The following CENPN variants were observed in gnomAD, a reference collection of about 807,000 sequenced individuals.
CENPN encodes the protein interphase centromere complex protein 32.
CENPN carries 36 observed loss-of-function variants against 48.6 expected under a neutral mutation model. The observed-to-expected ratio is 0.74, with a 90% confidence interval of 0.57 to 0.98. The LOEUF is 0.98. Ranked by LOEUF, CENPN falls within the 50% of genes least tolerant of loss-of-function variation. The pLI is 0.00. For synonymous variants in CENPN, 166 were observed against 135.2 expected (o/e 1.23, Z -1.58); for missense variants, 439 against 399.2 (o/e 1.10, Z -0.85).
rs761078576 is a variant in CENPN at position 81,025,689 on chromosome 16, C to CTTTTTTTTTTTTTTTTTTTTT, written c.698-836_698-835insTTTTTTTTTTTTTTTTTTTTT. Among the ~76,000 whole-genome samples, 2 of 135,218 alleles carry CTTTTTTTTTTTTTTTTTTTTT rather than the reference C, an allele frequency of 1.5e-5. 1 individual carries two copies. Among genetic ancestry groups the CTTTTTTTTTTTTTTTTTTTTT allele is most frequent in the African/African-American group, 5.9e-5 (2 of 33,984 alleles). 88.7% of individuals were successfully genotyped at this position (135,218 alleles called of 152,430 possible). On this transcript the variant is annotated intron_variant, in intron 8 of 10. Coordinates refer to ENST00000305850, the MANE Select transcript of CENPN (RefSeq NM_001100624.3). ...TGGGCAACATAGTGAGACCCTGTCT[C>CTTTTTTTTTTTTTTTTTTTTT]TCTTTTTTTTTTTTTTTTTTTTTTT...
At position 81,029,715 on chromosome 16, in the gene CENPN, C is replaced by T. The variant is rs954001244; in HGVS notation, c.*1064C>T. Among the ~76,000 whole-genome samples, 1 of 152,196 alleles carries T rather than the reference C, an allele frequency of 6.6e-6. No homozygotes were observed. Among genetic ancestry groups the T allele is most frequent in the Non-Finnish European group, 1.5e-5 (1 of 68,030 alleles). On this transcript the variant is annotated 3_prime_UTR_variant, in exon 11 of 11. Transcript: ENST00000305850. Reference sequence around the variant, plus strand: ...CTCAGCCTCTGAGTAGCTGGGACTACAGGCCTGCACCACCATGCCCAGCTA... The same window carrying T: ...CTCAGCCTCTGAGTAGCTGGGACTATAGGCCTGCACCACCATGCCCAGCTA...
At chr16:81,024,435 C>A in intron 7 of CENPN, 1 of 213,190 alleles carries the variant, frequency 4.7e-6, no homozygotes. Flanking sequence ...GCTGAAATAC[C>A]ACAGTGCAAA....
intron 1 of CENPN, among the ~76,000 whole-genome samples, chr16:81,009,952 A>C (rs1464667330): frequency 6.6e-6 from 1 of 152,212 alleles, no homozygotes; most frequent in Non-Finnish European, 1.5e-5. Flanking sequence ...TAATCCCAGC[A>C]CTTCAGGAGG....
In CENPN at chr16:81,026,635, T is replaced by C; in HGVS notation, c.807T>C (p.Tyr269=). The change falls in exon 9 of 11, where the codon TAT becomes TAC. Residue 269 remains tyrosine, a synonymous_variant. Coordinates refer to ENST00000305850, the MANE Select transcript of CENPN (RefSeq NM_001100624.3). ...AACCACAACTAGAATTTGCACAATA[T>C]AAGGTAAGATGTCGTAATAAATATT... ...YPQPQLEFAQ[Y]KLETKFKSGL... is the part of the protein sequence containing the mutation. 6.8e-7 allele frequency: 1 copy of C among 1,479,954 alleles called. No homozygotes were observed. The highest frequency in any genetic ancestry group is 9.4e-7 in the Non-Finnish European group (1 of 1,065,798). 91.7% of individuals were successfully genotyped at this position (1,479,954 alleles called of 1,614,324 possible).
downstream of CENPN, chr16:81,032,824 A>T (rs755340253): frequency 4.8e-4 from 510 of 1,054,360 alleles, no homozygotes; most frequent in Non-Finnish European, 6.6e-4. Flanking sequence ...CTCAAATTTG[A>T]CCAATCTTGG....
intron 2 of CENPN, among the ~76,000 whole-genome samples, chr16:81,013,346 A>T (rs1969816218): frequency 1.3e-5 from 2 of 152,244 alleles, no homozygotes; most frequent in Non-Finnish European, 2.9e-5. Context: ...TAATGACAGA[A>T]AGCAGATCAG....
At chr16:81,012,221 G>A (rs975027420) in intron 2 of CENPN, 111 bp downstream of exon 2, 1 of 900,258 alleles carries the variant, frequency 1.1e-6, no homozygotes, top group African/African-American at 1.7e-5. Context: ...AACTACTAGT[G>A]AAGTGATGAG....
intron 6 of CENPN, among the ~76,000 whole-genome samples, chr16:81,021,669 C>G (rs574776354): frequency 1.3e-5 from 2 of 152,246 alleles, no homozygotes; most frequent in South Asian, 2.1e-4. Flanking sequence ...GTCTCCTGCT[C>G]CATGATACAT....
At position 81,017,850 on chromosome 16, in the gene CENPN, A is replaced by G. The variant is rs757824727; in HGVS notation, c.354+16A>G. 1.4e-6 allele frequency: 2 copies of G among 1,405,494 alleles called. No individual in the cohort carries two copies. Among genetic ancestry groups the G allele is most frequent in the Admixed American group, 4.1e-5 (2 of 48,630 alleles). 87.1% of individuals were successfully genotyped at this position (1,405,494 alleles called of 1,614,324 possible). On this transcript the variant is annotated intron_variant, in intron 5 of 10. Coordinates refer to ENST00000305850, the MANE Select transcript of CENPN (RefSeq NM_001100624.3). ...ATTAAAAAATGTAAGAATAAAATTC[A>G]TCTTTTACATAAAATTCAATGTCAT...
In CENPN at chr16:81,011,960, G is replaced by T. The variant is rs752986108; in HGVS notation, c.21G>T (p.Glu7Asp). Residue 7 changes from glutamate to aspartate, a missense_variant, in exon 2 of 11, where the codon GAG becomes GAT. By Grantham distance (45) the Glu-to-Asp change is conservative. Transcript: ENST00000305850. ...AAGAGATGGATGAGACTGTTGCTGA[G>T]TTCATCAAGAGGACCATCTTGAAAA... is the stretch of plus-strand genomic sequence containing the variant. MDETVAEFIKRTILKIP... is the reference protein window; with the variant it reads MDETVADFIKRTILKIP... 1 of 1,614,156 alleles carries T rather than the reference G, an allele frequency of 6.2e-7. No homozygotes were observed. Among genetic ancestry groups the T allele is most frequent in the Non-Finnish European group, 8.5e-7 (1 of 1,180,004 alleles).
chr16:81,022,433 T>C, intron 6 of CENPN, 164 bp from the exon 7 acceptor site: 2 of 610,960 alleles, frequency 3.3e-6, no homozygotes, highest in East Asian at 2.8e-5. Flanking sequence ...TTAACCACTT[T>C]GTTTTTGAAG....
Position 81,030,357 on chromosome 16 carries a change from G to A in CENPN, c.*1706G>A, listed in dbSNP as rs1480977394. 12 of 985,238 alleles carry A rather than the reference G, an allele frequency of 1.2e-5. No homozygotes were observed. Among genetic ancestry groups the A allele is most frequent in the Non-Finnish European group, 1.4e-5 (12 of 829,898 alleles). The allele number at this position is 985,238 out of a possible 1,614,324, so 61.0% of individuals were successfully genotyped here. Reference sequence around the variant, plus strand: ...ACTTGTAATCCCAGCACTTCAGGAGGTTTCTCCTAGTGTACTCTCACACTT... The same window carrying A: ...ACTTGTAATCCCAGCACTTCAGGAGATTTCTCCTAGTGTACTCTCACACTT... On this transcript the variant is annotated 3_prime_UTR_variant, in exon 11 of 11. Transcript: ENST00000305850.
At chr16:81,011,209 C>T (rs1969726745) in intron 1 of CENPN, among the ~76,000 whole-genome samples, 1 of 152,174 alleles carries the variant, frequency 6.6e-6, no homozygotes, top group South Asian at 2.1e-4. Flanking sequence ...GCTCTTCCAC[C>T]ACATGACTCC....
At position 81,030,547 on chromosome 16, in the gene CENPN, G is replaced by A. The variant is rs1221310800; in HGVS notation, c.*1896G>A. Reference sequence around the variant, plus strand: ...GCAGATCACCCGAGGTCAGGAGTTCGAGACCAGCCTAGCCAACATGGCAAA... The same window carrying A: ...GCAGATCACCCGAGGTCAGGAGTTCAAGACCAGCCTAGCCAACATGGCAAA... On this transcript the variant is annotated 3_prime_UTR_variant, in exon 11 of 11. Transcript: ENST00000305850. 4 of 266,706 alleles carry A rather than the reference G, an allele frequency of 1.5e-5. No individual in the cohort carries two copies. Among genetic ancestry groups the A allele is most frequent in the Admixed American group, 6.5e-5 (1 of 15,410 alleles). The allele number at this position is 266,706 out of a possible 1,614,324, so 16.5% of individuals were successfully genotyped here. A position where few individuals can be genotyped will look rare whatever the true frequency, so the allele number is the denominator to read the frequency against.
Position 81,008,573 on chromosome 16 carries a change from T to C in CENPN, c.-11+1296T>C, listed in dbSNP as rs571221611. ...TTCTAGTAGAGACGGAGTTTCACCA[T>C]GTTGGCCTGGGTGGTCTTGAACGAC... On this transcript the variant is annotated intron_variant, in intron 1 of 10. Coordinates refer to ENST00000305850, the MANE Select transcript of CENPN (RefSeq NM_001100624.3). Among the ~76,000 whole-genome samples, 143 of 152,230 alleles carry C rather than the reference T, an allele frequency of 9.4e-4. 1 individual carries two copies. Among genetic ancestry groups the C allele is most frequent in the Non-Finnish European group, 4.6e-4 (31 of 68,000 alleles).
intron 2 of CENPN, 88 bp downstream of exon 2, chr16:81,012,198 A>G: frequency 8.3e-7 from 1 of 1,211,004 alleles, no homozygotes; most frequent in Non-Finnish European, 1.2e-6. Flanking sequence ...AAAGAGATGT[A>G]AGGTAGCTGC....
chr16:81,032,882 C>T (rs756750784), downstream of CENPN: 22 of 531,754 alleles, frequency 4.1e-5, no homozygotes, highest in Non-Finnish European at 3.3e-5. Context: ...TGGGACATAA[C>T]ACTCTAGACA....
chr16:81,021,759 C>CT lies in CENPN; in HGVS notation c.532-825dup, dbSNP rs374473140. On this transcript the variant is annotated intron_variant, in intron 6 of 10. Coordinates refer to ENST00000305850, the MANE Select transcript of CENPN (RefSeq NM_001100624.3). ...AAACATTACCCCAAAGGCTAATGTT[C>CT]TTTTTTTTTTTTTGAGACAGGGTCT... Among the ~76,000 whole-genome samples the CT allele has an allele frequency of 2.8e-3, 398 of 143,958 alleles. 1 individual carries two copies. The highest frequency in any genetic ancestry group is 9.5e-3 in the East Asian group (47 of 4,936). 94.4% of individuals were successfully genotyped at this position (143,958 alleles called of 152,430 possible).
Position 81,028,830 on chromosome 16 carries a change from C to T in CENPN, c.*179C>T, listed in dbSNP as rs763682606. ...GATTCATTCCTCCACGATATGCCTC[C>T]TCTCTCTGATATCCTGCTAACTGTA... On this transcript the variant is annotated 3_prime_UTR_variant, in exon 11 of 11. Transcript: ENST00000305850. 20 of 1,382,518 alleles carry T rather than the reference C, an allele frequency of 1.4e-5. No individual in the cohort carries two copies. The highest frequency in any genetic ancestry group is 1.9e-5 in the Non-Finnish European group (20 of 1,073,768). The allele number at this position is 1,382,518 out of a possible 1,614,324, so 85.6% of individuals were successfully genotyped here.
Sources: gnomAD v4.1 joint callset for allele counts (sites outside exome capture counted in the v4.1 genomes callset) on GRCh38, gnomAD v4.1.1 for gene constraint, MANE v1.5 for transcripts, NCBI Gene and HGNC (gene_info 2026-07-23, HGNC 2026-07-21) for gene names.